The following ATIC variants were observed in gnomAD, a reference collection of about 807,000 sequenced individuals.
ATIC encodes bifunctional purine biosynthesis protein ATIC.
ATIC carries 64 observed loss-of-function variants against 72.5 expected under a neutral mutation model. The observed-to-expected ratio is 0.88, with a 90% CI of 0.72 to 1.09. The LOEUF (loss-of-function observed/expected upper bound fraction) is 1.09. Among genes scored for constraint, ATIC ranks in the 50% least tolerant of loss-of-function variants. The probability of loss-of-function intolerance (pLI) is 0.00; values close to 1 mark genes in which losing one functional copy is unlikely to be tolerated. For missense variants in ATIC, 787 were observed against 732.4 expected (o/e 1.07, Z -0.86); for synonymous variants, 281 against 267.1 (o/e 1.05, Z -0.51).
chr2:215,319,690 A>G lies in ATIC; in HGVS notation c.249A>G (p.Glu83=), dbSNP rs2052746870. The change falls in exon 4 of 16, where the codon GAA becomes GAG. Residue 83 remains glutamate, a synonymous_variant. Coordinates refer to ENST00000236959, the MANE Select transcript of ATIC (RefSeq NM_004044.7). ...GAATCCTAGCTCGTAATATTCCAGA[A>G]GATAATGCTGACATGGCCAGACTTG... is the stretch of plus-strand genomic sequence containing the variant. The part of the protein sequence containing the change: ...HAGILARNIP[E]DNADMARLDF... The G allele has an allele frequency of 3.1e-6, 5 of 1,612,364 alleles. No individual in the cohort carries two copies. In the East Asian group the frequency reaches 8.9e-5, roughly 29 times the overall value.
chr2:215,333,529 G>T, intron 9 of ATIC, 72 bp downstream of exon 9: 14 of 1,244,760 alleles, frequency 1.1e-5, no homozygotes, highest in Non-Finnish European at 1.6e-5. Flanking sequence ...AGAATAAAGA[G>T]GATAGAATAA....
At chr2:215,362,144 G>T in the ATIC span, 1 of 1,267,206 alleles carries the variant, frequency 7.9e-7, no homozygotes, top group Non-Finnish European at 1.1e-6. Flanking sequence ...GTAATTTAGT[G>T]TTTGAGTTAA....
At chr2:215,347,497 T>G (rs1051752265) in intron 14 of ATIC, 1 of 450,164 alleles carries the variant, frequency 2.2e-6, no homozygotes, top group African/African-American at 2.0e-5. Flanking sequence ...GAAGAAAAGA[T>G]CTAGCCCAGT....
At chr2:215,364,706 G>A in the ATIC span, 1 of 644,076 alleles carries the variant, frequency 1.6e-6, no homozygotes, top group Non-Finnish European at 2.8e-6. Flanking sequence ...GGCATGTAAG[G>A]TAGACATAGA....
the ATIC span, among the ~76,000 whole-genome samples, chr2:215,365,183 G>A: frequency 1.3e-5 from 2 of 152,090 alleles, no homozygotes; most frequent in African/African-American, 4.8e-5. Flanking sequence ...CTAATACACT[G>A]GAAAGGGTCC....
rs145243313 is a variant in ATIC at position 215,349,630 on chromosome 2, C to T, written c.1754C>T (p.Thr585Met). Residue 585 changes from threonine to methionine, a missense_variant, in exon 16 of 16, where the codon ACG becomes ATG. Coordinates refer to ENST00000236959, the MANE Select transcript of ATIC (RefSeq NM_004044.7). ...GAACTGGGAATCATCCTCGCTCATA[C>T]GAACCTTCGGCTCTTCCACCACTGA... ...CDELGIILAH[T>M]NLRLFHH The T allele has an allele frequency of 8.7e-6, 14 of 1,614,068 alleles. No individual in the cohort carries two copies. The highest frequency in any genetic ancestry group is 4.5e-5 in the East Asian group (2 of 44,894).
At chr2:215,319,019 T>G (rs1333130866) in intron 3 of ATIC, among the ~76,000 whole-genome samples, 2 of 152,004 alleles carry the variant, frequency 1.3e-5, no homozygotes, top group Non-Finnish European at 2.9e-5. Context: ...TAGCTGGGAC[T>G]ATAGGCATGT....
chr2:215,329,849 G>A (rs1168528780), intron 7 of ATIC, among the ~76,000 whole-genome samples: 2 of 151,802 alleles, frequency 1.3e-5, no homozygotes, highest in Non-Finnish European at 2.9e-5. Context: ...CACAACCTCC[G>A]CCTCCCAGGT....
intron 4 of ATIC, among the ~76,000 whole-genome samples, chr2:215,324,050 C>T (rs1490280001): frequency 6.6e-6 from 1 of 152,170 alleles, no homozygotes; most frequent in Non-Finnish European, 1.5e-5. Flanking sequence ...GCGTGCGCCA[C>T]CTTGCCCGGC....
the ATIC span, among the ~76,000 whole-genome samples, chr2:215,359,611 T>C: frequency 1.3e-5 from 2 of 152,228 alleles, no homozygotes; most frequent in Non-Finnish European, 2.9e-5. Context: ...GGTCTGTATT[T>C]CGCTAAGGAA....
downstream of ATIC, among the ~76,000 whole-genome samples, chr2:215,350,690 T>C (rs2053123695): frequency 6.6e-6 from 1 of 152,200 alleles, no homozygotes; most frequent in Admixed American, 6.5e-5. Flanking sequence ...TTGTACCCAA[T>C]ATTCCAATTA....
the ATIC span, chr2:215,361,078 G>A: frequency 1.3e-5 from 2 of 156,594 alleles, no homozygotes; most frequent in Non-Finnish European, 2.8e-5. Flanking sequence ...CAATTACTAG[G>A]ATCATTTGGA....
rs2053084936 is a variant in ATIC at position 215,347,548 on chromosome 2, A to G, written c.1503+607A>G. On this transcript the variant is annotated intron_variant, in intron 14 of 15. Coordinates refer to ENST00000236959, the MANE Select transcript of ATIC (RefSeq NM_004044.7). ...GTGCCTAACAAAATGCTGGATGGAA[A>G]ACAGAAGGCTGCTAATCAAATACTA... 16 of 483,726 alleles carry G rather than the reference A, an allele frequency of 3.3e-5. 1 individual carries two copies. The highest frequency in any genetic ancestry group is 2.3e-4 in the South Asian group (15 of 64,254). 30.0% of individuals were successfully genotyped at this position (483,726 alleles called of 1,614,324 possible).
Position 215,319,742 on chromosome 2 carries a change from GA to G in ATIC, c.290+14del, listed in dbSNP as rs756428011. On this transcript the variant is annotated intron_variant, in intron 4 of 15. Transcript: ENST00000236959. Reference sequence around the variant, plus strand: ...TTTCAATCTTATAAGGTAAAAACCTGAAATTAAACTTTTAACACATTACGAA... The same window carrying G: ...TTTCAATCTTATAAGGTAAAAACCTGAATTAAACTTTTAACACATTACGAA... The G allele has an allele frequency of 1.4e-5, 23 of 1,595,988 alleles. No individual in the cohort carries two copies. Among genetic ancestry groups the G allele is most frequent in the Admixed American group, 3.3e-5 (2 of 59,966 alleles).
intron 4 of ATIC, among the ~76,000 whole-genome samples, chr2:215,324,689 A>T (rs2052803374): frequency 6.6e-6 from 1 of 152,094 alleles, no homozygotes; most frequent in Admixed American, 6.6e-5. Context: ...TGTTAATTTT[A>T]GATTACTTCT....
chr2:215,324,001 A>G (rs1365619444), intron 4 of ATIC, among the ~76,000 whole-genome samples: 1 of 152,112 alleles, frequency 6.6e-6, no homozygotes, highest in Non-Finnish European at 1.5e-5. Context: ...ACCTCAGTTG[A>G]TCCATCCTCC....
At chr2:215,341,912 G>T (rs992973745) in intron 12 of ATIC, among the ~76,000 whole-genome samples, 5 of 152,114 alleles carry the variant, frequency 3.3e-5, no homozygotes, top group African/African-American at 2.4e-5. Flanking sequence ...GTTCCACACG[G>T]TTGGGGAGGC....
chr2:215,314,467 C>A (rs930368868), intron 2 of ATIC, among the ~76,000 whole-genome samples: 13 of 151,878 alleles, frequency 8.6e-5, no homozygotes, highest in African/African-American at 3.1e-4. Flanking sequence ...GTAACTCGCT[C>A]GAGATTACAC....
Position 215,335,011 on chromosome 2 carries a change from G to GCT in ATIC, c.1008+7_1008+8insCT. The GCT allele has an allele frequency of 1.3e-6, 2 of 1,598,846 alleles. No individual in the cohort carries two copies. Among genetic ancestry groups the GCT allele is most frequent in the Non-Finnish European group, 1.7e-6 (2 of 1,166,788 alleles). ...AAAAATTATTTCCAGAGAAGTTAGTGGACATTCATGTATCTTAATCTGTGT... is the reference window on the plus strand; with the variant it reads ...AAAAATTATTTCCAGAGAAGTTAGTGCTGACATTCATGTATCTTAATCTGTGT... On this transcript the variant is annotated splice_region_variant and intron_variant, in intron 10 of 15. Transcript: ENST00000236959.
Sources: gnomAD v4.1 joint callset for allele counts (sites outside exome capture counted in the v4.1 genomes callset) on GRCh38, gnomAD v4.1.1 for gene constraint, MANE v1.5 for transcripts, NCBI Gene and HGNC (gene_info 2026-07-23, HGNC 2026-07-21) for gene names.